The following PTPN4 variants were observed in gnomAD, a reference collection of about 807,000 sequenced individuals.
PTPN4 encodes protein tyrosine phosphatase non-receptor type 4, also known as tyrosine-protein phosphatase non-receptor type 4.
In PTPN4, 49 loss-of-function variants were observed where a neutral mutation model predicts 135.5. That is an observed-to-expected ratio of 0.36 (90% CI 0.29 to 0.46). The LOEUF (loss-of-function observed/expected upper bound fraction) is 0.46, where lower values mean the gene tolerates loss of function less well. Ranked by LOEUF, PTPN4 falls within the 20% of genes least tolerant of loss-of-function variation. The pLI is 1.00. For synonymous variants in PTPN4, 333 were observed against 369.9 expected, an observed-to-expected ratio of 0.90 and a Z score of 1.14; for missense variants, 860 against 1,101.0, an observed-to-expected ratio of 0.78 and a Z score of 3.10.
Position 119,974,201 on chromosome 2 carries a change from GTTGTTTTGTT to G in PTPN4, c.2695-2764_2695-2755del, listed in dbSNP as rs757417431. On this transcript the variant is annotated intron_variant, in intron 26 of 26. Transcript: ENST00000263708. ...GTTTTAGCCCATTGTAGTTTTTGTT[GTTGTTTTGTT>G]TTGTTTTGTTTTGTTTTGAGATGGA... is the stretch of plus-strand genomic sequence containing the variant. Among the ~76,000 whole-genome samples the G allele has an allele frequency of 7.2e-5, 11 of 152,052 alleles. No homozygotes were observed. In the East Asian group the frequency reaches 7.7e-4, roughly 11 times the overall value.
rs113673836 is a variant in PTPN4, at chr2:119,766,484, CTGTG to C, written c.-18+6123_-18+6126del. Among the ~76,000 whole-genome samples the C allele has an allele frequency of 1.3e-3, 132 of 103,912 alleles. 1 individual carries two copies. The highest frequency in any genetic ancestry group is 1.7e-3 in the East Asian group (6 of 3,594). The allele number at this position is 103,912 out of a possible 152,430, so 68.2% of individuals were successfully genotyped here. ...TGTGTGTGTGTGTGTGTGTGTGTGT[CTGTG>C]TGTGTGTGTGTGTGTGTGTGTGAAA... On this transcript the variant is annotated intron_variant, in intron 1 of 26. Transcript: ENST00000263708.
intron 11 of PTPN4, 127 bp downstream of exon 11, chr2:119,915,369 G>T: frequency 1.5e-6 from 1 of 649,638 alleles, no homozygotes; most frequent in Non-Finnish European, 2.4e-6. Flanking sequence ...TGCCCGCTGA[G>T]GTAATGAATT....
chr2:119,890,198 T>G (rs970614029), intron 9 of PTPN4, among the ~76,000 whole-genome samples: 2 of 152,152 alleles, frequency 1.3e-5, no homozygotes, highest in African/African-American at 2.4e-5. Context: ...CAATGTTTGG[T>G]GCATATATAT....
intron 3 of PTPN4, among the ~76,000 whole-genome samples, chr2:119,874,328 T>C (rs1677954731): frequency 1.3e-5 from 2 of 152,198 alleles, no homozygotes; most frequent in Non-Finnish European, 2.9e-5. Context: ...CTCCTAGGCA[T>C]GTACCCAAGA....
In PTPN4 at chr2:119,934,842, A is replaced by G; in HGVS notation, c.1239A>G (p.Pro413=). The G allele has an allele frequency of 6.2e-7, 1 of 1,614,066 alleles. No homozygotes were observed. The highest frequency in any genetic ancestry group is 2.2e-5 in the East Asian group (1 of 44,870). ...TFTQEGTRLR[P]SSVGHLVDHM... is the part of the protein sequence containing the mutation. ...CGCAGGAAGGAACCCGGTTACGACC[A>G]TCTTCAGTTGGTCATTTGGTAGACC... The change falls in exon 15 of 27, where the codon CCA becomes CCG. Residue 413 remains proline (P), a synonymous_variant. Coordinates refer to ENST00000263708, the MANE Select transcript of PTPN4 (RefSeq NM_002830.4).
Position 119,951,958 on chromosome 2 carries a change from T to C in PTPN4, c.1657-15T>C. ...TTGCATGCCAATCTGAAACCTTATC[T>C]ATATTATATTACAGGCTGACCTCTG... On this transcript the variant is annotated splice_polypyrimidine_tract_variant and intron_variant, in intron 18 of 26. Coordinates refer to ENST00000263708, the MANE Select transcript of PTPN4 (RefSeq NM_002830.4). The C allele has an allele frequency of 6.3e-7, 1 of 1,574,836 alleles. No homozygotes were observed. The highest frequency in any genetic ancestry group is 8.6e-7 in the Non-Finnish European group (1 of 1,161,172).
At chr2:119,825,459 C>T (rs1485784954) in intron 2 of PTPN4, among the ~76,000 whole-genome samples, 3 of 149,838 alleles carry the variant, frequency 2.0e-5, no homozygotes, top group South Asian at 2.1e-4. Context: ...CCCACAGCCA[C>T]GTGCTAAGCA....
intron 2 of PTPN4, among the ~76,000 whole-genome samples, chr2:119,842,653 T>C (rs541591041): frequency 6.6e-5 from 10 of 152,226 alleles, no homozygotes; most frequent in African/African-American, 2.4e-4. Context: ...TTTCGTTTTT[T>C]TCTTTTTCTT....
chr2:119,838,653 C>T (rs1677333503), intron 2 of PTPN4, among the ~76,000 whole-genome samples: 2 of 152,102 alleles, frequency 1.3e-5, no homozygotes, highest in South Asian at 4.1e-4. Flanking sequence ...AAACAATAAC[C>T]AGTAAATTAG....
At chr2:119,829,045 T>G (rs996332806) in intron 2 of PTPN4, among the ~76,000 whole-genome samples, 24 of 152,216 alleles carry the variant, frequency 1.6e-4, no homozygotes. Flanking sequence ...TCATTGTGTT[T>G]TTTGGGTTTT....
rs146931485 is a variant in PTPN4, at chr2:119,908,995, G to A, written c.765-6184G>A. Reference sequence around the variant, plus strand: ...AACTCTCTTTAATTATGTGAAGACTGAGAAGAGAGGTGAGAAAGCTGCAGA... The same window carrying A: ...AACTCTCTTTAATTATGTGAAGACTAAGAAGAGAGGTGAGAAAGCTGCAGA... On this transcript the variant is annotated intron_variant, in intron 10 of 26. Transcript: ENST00000263708. Among the ~76,000 whole-genome samples, 24 of 152,284 alleles carry A rather than the reference G, an allele frequency of 1.6e-4. No individual in the cohort carries two copies. The East Asian group carries it at 3.7e-3, about 23-fold the overall frequency.
intron 1 of PTPN4, among the ~76,000 whole-genome samples, chr2:119,770,345 C>A (rs1460279194): frequency 6.6e-6 from 1 of 152,114 alleles, no homozygotes; most frequent in African/African-American, 2.4e-5. Context: ...TCAGACTTGT[C>A]ATTTTAAAAT....
intron 12 of PTPN4, among the ~76,000 whole-genome samples, chr2:119,921,495 C>A (rs1678736198): frequency 6.6e-6 from 1 of 152,090 alleles, no homozygotes; most frequent in Non-Finnish European, 1.5e-5. Flanking sequence ...ACATGACTCC[C>A]ACCCCAGAAA....
chr2:119,938,190 C>T (rs1247532191), intron 15 of PTPN4, among the ~76,000 whole-genome samples: 1 of 143,454 alleles, frequency 7.0e-6, no homozygotes, highest in Non-Finnish European at 1.5e-5. Flanking sequence ...TGCAGTGGCA[C>T]AATCTTGGCT....
chr2:119,893,361 T>C (rs139074884), intron 9 of PTPN4, among the ~76,000 whole-genome samples: 42 of 152,286 alleles, frequency 2.8e-4, no homozygotes, highest in African/African-American at 1.0e-3. Flanking sequence ...TTTTACTAAG[T>C]TGGGAAAGAC....
intron 16 of PTPN4, 79 bp from the exon 17 acceptor site, chr2:119,946,262 A>G (rs1157105409): frequency 1.5e-5 from 17 of 1,128,488 alleles, no homozygotes; most frequent in Admixed American, 2.4e-5. Flanking sequence ...TAAGCATACA[A>G]AAAATATGCT....
intron 1 of PTPN4, 101 bp from the exon 2 acceptor site, chr2:119,809,736 C>T: frequency 1.9e-6 from 2 of 1,032,400 alleles, no homozygotes; most frequent in Admixed American, 6.5e-5. Context: ...CTGTTTTCCA[C>T]CTAAGTTTTA....
chr2:119,919,298 T>C (rs975925129), intron 11 of PTPN4, among the ~76,000 whole-genome samples: 1 of 152,274 alleles, frequency 6.6e-6, no homozygotes, highest in Non-Finnish European at 1.5e-5. Context: ...TTTTAAATTT[T>C]GAATTATGTA....
At chr2:119,912,130 A>G (rs925080690) in intron 10 of PTPN4, among the ~76,000 whole-genome samples, 2 of 152,176 alleles carry the variant, frequency 1.3e-5, no homozygotes, top group East Asian at 1.9e-4. Context: ...GAAAAACACA[A>G]TGCAGATGAA....
Sources: allele counts gnomAD v4.1 joint callset (sites outside exome capture counted in the v4.1 genomes callset), GRCh38; gene constraint gnomAD v4.1.1; transcripts MANE v1.5; gene names NCBI Gene and HGNC (gene_info 2026-07-23, HGNC 2026-07-21).